Variants in PHACTR4 observed in about 807,000 individuals in gnomAD.
PHACTR4 encodes the protein protein phosphatase 1, regulatory subunit 124.
PHACTR4 carries 51 observed loss-of-function variants against 72.7 expected under a neutral mutation model. The ratio of observed to expected loss-of-function variants is 0.70; its 90% confidence interval spans 0.56 to 0.89. PHACTR4 has a LOEUF of 0.89. Among genes scored for constraint, PHACTR4 ranks in the 40% least tolerant of loss-of-function variants. The probability of loss-of-function intolerance (pLI) is 0.00; values close to 1 mark genes in which losing one functional copy is unlikely to be tolerated. For missense variants in PHACTR4, 731 were observed against 861.8 expected (o/e 0.85, Z 1.90); for synonymous variants, 255 against 302.5 (o/e 0.84, Z 1.63).
chr1:28,424,943 C>T (rs1655744685), intron 2 of PHACTR4, among the ~76,000 whole-genome samples: 1 of 151,956 alleles, frequency 6.6e-6, no homozygotes, highest in Non-Finnish European at 1.5e-5. Context: ...TACAGGCATG[C>T]ACCACCACCC....
In PHACTR4 at chr1:28,481,837, A is replaced by G. The variant is rs1315705738; in HGVS notation, c.1760+1233A>G. 2.0e-5 allele frequency among the ~76,000 whole-genome samples: 3 copies of G among 151,884 alleles called. No homozygotes were observed. In the East Asian group the frequency reaches 5.8e-4, roughly 29 times the overall value. On this transcript the variant is annotated intron_variant, in intron 9 of 13. Transcript: ENST00000373839. ...AGAAACAAAAAAATATATATTGGAC[A>G]CAGTTGGGTATCCTCTAAGAATTTG...
Position 28,391,632 on chromosome 1 carries a change from T to C in PHACTR4, c.-38-15778T>C, listed in dbSNP as rs577704523. 3.7e-3 allele frequency among the ~76,000 whole-genome samples: 490 copies of C among 130,888 alleles called. 4 individuals are homozygous for C. The highest frequency in any genetic ancestry group is 0.014 in the African/African-American group (477 of 33,822). The allele number at this position is 130,888 out of a possible 152,430, so 85.9% of individuals were successfully genotyped here. ...TTTTTTTTTTTTTTTTGAGACAGAG[T>C]TTCACTCTTTTTGGCCAGGGTGGAG... is the stretch of plus-strand genomic sequence containing the variant. On this transcript the variant is annotated intron_variant, in intron 1 of 13. Coordinates refer to ENST00000373839, the MANE Select transcript of PHACTR4 (RefSeq NM_001048183.3).
In PHACTR4 at chr1:28,466,306, T is replaced by G; in HGVS notation, c.437-76T>G. The G allele has an allele frequency of 2.7e-6, 4 of 1,480,350 alleles. No individual in the cohort carries two copies. In the South Asian group the frequency reaches 5.3e-5, roughly 20 times the overall value. 91.7% of individuals were successfully genotyped at this position (1,480,350 alleles called of 1,614,324 possible). A position where few individuals can be genotyped will look rare whatever the true frequency, so the allele number is the denominator to read the frequency against. Reference sequence around the variant, plus strand: ...TTAATTGGTGAAATTGGCCACAAATTCATAGATGTGTTAGCTTTTTCAGTT... The same window carrying G: ...TTAATTGGTGAAATTGGCCACAAATGCATAGATGTGTTAGCTTTTTCAGTT... On this transcript the variant is annotated intron_variant, in intron 5 of 13. Coordinates refer to ENST00000373839, the MANE Select transcript of PHACTR4 (RefSeq NM_001048183.3).
chr1:28,452,650 G>C, intron 2 of PHACTR4, among the ~76,000 whole-genome samples: 1 of 150,374 alleles, frequency 6.7e-6, no homozygotes, highest in East Asian at 2.0e-4. Flanking sequence ...ACTAAGATTA[G>C]CTGGGCGTGG....
chr1:28,442,412 C>G (rs1041595861), intron 2 of PHACTR4, among the ~76,000 whole-genome samples: 1 of 150,048 alleles, frequency 6.7e-6, no homozygotes, highest in Non-Finnish European at 1.5e-5. Context: ...TGCAGTGAGC[C>G]GAGATCGTGC....
intron 1 of PHACTR4, among the ~76,000 whole-genome samples, chr1:28,379,002 G>C (rs1447988013): frequency 6.6e-6 from 1 of 152,034 alleles, no homozygotes; most frequent in Admixed American, 6.6e-5. Flanking sequence ...GCCCAAGCTG[G>C]AGTACAGTGG....
intron 2 of PHACTR4, among the ~76,000 whole-genome samples, chr1:28,433,422 A>G (rs983759859): frequency 6.6e-6 from 1 of 151,654 alleles, no homozygotes; most frequent in African/African-American, 2.4e-5. Flanking sequence ...CACATAGGCA[A>G]CAGACTTAGC....
chr1:28,477,556 G>A (rs1660004297), intron 8 of PHACTR4, among the ~76,000 whole-genome samples: 1 of 152,080 alleles, frequency 6.6e-6, no homozygotes, highest in African/African-American at 2.4e-5. Context: ...GTGTGTATGG[G>A]TAATTAGGCT....
intron 4 of PHACTR4, among the ~76,000 whole-genome samples, chr1:28,460,997 A>G (rs1462763918): frequency 1.3e-5 from 2 of 152,124 alleles, no homozygotes; most frequent in East Asian, 1.9e-4. Context: ...GCACCAGTCT[A>G]CCAGTCATTG....
chr1:28,400,376 TAAA>T (rs60558818), intron 1 of PHACTR4, among the ~76,000 whole-genome samples: 15 of 129,378 alleles, frequency 1.2e-4, no homozygotes, highest in Admixed American at 1.6e-4. Context: ...CCATCTCAAT[TAAA>T]AAAAAAAAAA....
rs573175895 is a variant in PHACTR4, at chr1:28,498,853, C to G, written c.*2304C>G. ...ATCTCAGCACTTTGGGAAGCCAAGGCGGTCAGGAGTTTGAGACCAGCCTGA... is the reference window on the plus strand; with the variant it reads ...ATCTCAGCACTTTGGGAAGCCAAGGGGGTCAGGAGTTTGAGACCAGCCTGA... On this transcript the variant is annotated 3_prime_UTR_variant, in exon 14 of 14. Coordinates refer to ENST00000373839, the MANE Select transcript of PHACTR4 (RefSeq NM_001048183.3). 6.6e-6 allele frequency: 1 copy of G among 151,702 alleles called. No individual in the cohort carries two copies. Among genetic ancestry groups the G allele is most frequent in the Non-Finnish European group, 1.5e-5 (1 of 67,970 alleles). 9.4% of individuals were successfully genotyped at this position (151,702 alleles called of 1,614,324 possible).
intron 2 of PHACTR4, among the ~76,000 whole-genome samples, chr1:28,451,553 C>T (rs556364037): frequency 1.2e-4 from 18 of 152,030 alleles, no homozygotes; most frequent in South Asian, 1.0e-3. Flanking sequence ...ACAACAGGTG[C>T]GCATCACTGT....
intron 1 of PHACTR4, among the ~76,000 whole-genome samples, chr1:28,403,145 A>G (rs144149733): frequency 1.6e-4 from 24 of 152,352 alleles, no homozygotes; most frequent in Non-Finnish European, 3.2e-4. Context: ...CTCTGATAGT[A>G]TAGCCTGAAG....
chr1:28,475,729 CT>C (rs71672836), intron 7 of PHACTR4, among the ~76,000 whole-genome samples: 202 of 135,164 alleles, frequency 1.5e-3, no homozygotes, highest in East Asian at 3.3e-3. Flanking sequence ...AGTCCTTTGT[CT>C]TTTTTTTTTT....
At chr1:28,450,903 C>T (rs758864606) in intron 2 of PHACTR4, among the ~76,000 whole-genome samples, 21 of 149,912 alleles carry the variant, frequency 1.4e-4, no homozygotes, top group African/African-American at 2.0e-4. Context: ...CTCTGCCTCC[C>T]GGGTTCAAGA....
At chr1:28,377,980 G>A (rs1327565787) in intron 1 of PHACTR4, among the ~76,000 whole-genome samples, 1 of 139,372 alleles carries the variant, frequency 7.2e-6, no homozygotes, top group East Asian at 2.3e-4. Flanking sequence ...GGCGGATCAC[G>A]AGGTCAGGAG....
At chr1:28,394,510 C>G (rs765507393) in intron 1 of PHACTR4, among the ~76,000 whole-genome samples, 5 of 151,890 alleles carry the variant, frequency 3.3e-5, no homozygotes, top group Non-Finnish European at 4.4e-5. Context: ...GGGCTGGTCT[C>G]AAGCTCCTGG....
intron 12 of PHACTR4, 65 bp from the exon 13 acceptor site, chr1:28,492,950 G>T: frequency 1.4e-6 from 2 of 1,412,014 alleles, no homozygotes; most frequent in South Asian, 2.3e-5. Context: ...ACAGAAAAAT[G>T]ACAAGTTACA....
intron 1 of PHACTR4, among the ~76,000 whole-genome samples, chr1:28,388,417 A>G (rs1053727603): frequency 2.0e-5 from 3 of 152,226 alleles, no homozygotes; most frequent in Admixed American, 2.0e-4. Context: ...CCACGTAGGT[A>G]TGGTCAATTG....
Sources: allele counts gnomAD v4.1 joint callset (sites outside exome capture counted in the v4.1 genomes callset), GRCh38; gene constraint gnomAD v4.1.1; transcripts MANE v1.5; gene names NCBI Gene and HGNC (gene_info 2026-07-23, HGNC 2026-07-21).